CSPP1: variants seen among roughly 807,000 people sequenced by gnomAD.
CSPP1 encodes centrosome and spindle pole-associated protein 1.
Under a neutral mutation model 164.4 loss-of-function variants are expected in CSPP1, and 126 were observed. That is an observed-to-expected ratio of 0.77 (90% CI 0.66 to 0.89). The LOEUF is 0.89. CSPP1 is among the 40% of genes least tolerant of loss of function. The pLI is 0.00. For synonymous variants in CSPP1, 472 were observed against 476.7 expected (o/e 0.99, Z 0.13); for missense variants, 1,395 against 1,449.8 (o/e 0.96, Z 0.61).
intron 13 of CSPP1, among the ~76,000 whole-genome samples, chr8:67,117,715 C>G (rs1818211811): frequency 2.0e-5 from 3 of 152,156 alleles, no homozygotes; most frequent in African/African-American, 7.2e-5. Context: ...TGTCCTTCCT[C>G]TAACACACAC....
intron 14 of CSPP1, 38 bp from the exon 15 acceptor site, chr8:67,118,705 T>G: frequency 7.3e-7 from 1 of 1,378,398 alleles, no homozygotes. Context: ...ATGATTATTC[T>G]AAATAAACTT....
chr8:67,187,652 C>A (rs1171872137), intron 28 of CSPP1, among the ~76,000 whole-genome samples: 1 of 152,008 alleles, frequency 6.6e-6, no homozygotes, highest in East Asian at 1.9e-4. Flanking sequence ...CCACTAAACT[C>A]CAGCCTGGGC....
rs1042868535 is a variant in CSPP1, at chr8:67,192,726, T to C, written c.3331-738T>C. On this transcript the variant is annotated intron_variant, in intron 29 of 30. Coordinates refer to ENST00000678616, the MANE Select transcript of CSPP1 (RefSeq NM_001382391.1). ...AGGGGTCCAAGTCCATTCTTTTGCA[T>C]GTGGCCATCCAGTTGTTCTAGCAGC... Among the ~76,000 whole-genome samples the C allele has an allele frequency of 1.6e-4, 25 of 152,362 alleles. 1 individual carries two copies. The highest frequency in any genetic ancestry group is 1.4e-3 in the Admixed American group (21 of 15,300).
At chr8:67,145,818 C>T (rs1203114999) in intron 17 of CSPP1, among the ~76,000 whole-genome samples, 1 of 152,056 alleles carries the variant, frequency 6.6e-6, no homozygotes, top group Non-Finnish European at 1.5e-5. Flanking sequence ...CCACCGTGCC[C>T]AGCCCCCTTT....
At chr8:67,083,548 AATATATATAT>A (rs55758408) in intron 3 of CSPP1, 2 of 91,502 alleles carry the variant, frequency 2.2e-5, no homozygotes, top group African/African-American at 8.9e-5. Flanking sequence ...AAAAAAAAAA[AATATATATAT>A]ATATATATAT....
intron 15 of CSPP1, 49 bp downstream of exon 15, chr8:67,118,870 A>G: frequency 8.0e-7 from 1 of 1,256,886 alleles, no homozygotes; most frequent in Non-Finnish European, 1.2e-6. Context: ...TTATTTTGTT[A>G]AGATACACAT....
chr8:67,149,963 T>G, intron 18 of CSPP1, 28 bp downstream of exon 18: 1 of 1,523,764 alleles, frequency 6.6e-7, no homozygotes, highest in Non-Finnish European at 8.8e-7. Flanking sequence ...TTTTTTTTTT[T>G]TTTTTTTTAC....
chr8:67,067,876 G>C (rs1425471575), intron 1 of CSPP1, among the ~76,000 whole-genome samples: 1 of 146,774 alleles, frequency 6.8e-6, no homozygotes, highest in Non-Finnish European at 1.5e-5. Flanking sequence ...TTTTGACAGA[G>C]TATTGCTCTG....
chr8:67,098,229 A>G (rs1813243135), intron 7 of CSPP1, among the ~76,000 whole-genome samples: 1 of 151,226 alleles, frequency 6.6e-6, no homozygotes. Flanking sequence ...ACAAAAAATA[A>G]TTATAATGTA....
intron 28 of CSPP1, among the ~76,000 whole-genome samples, chr8:67,189,818 T>G (rs777868830): frequency 6.6e-6 from 1 of 152,224 alleles, no homozygotes; most frequent in African/African-American, 2.4e-5. Context: ...TAAGTATTTG[T>G]ATTATTCTAA....
At chr8:67,128,879 T>TC (rs539721679) in intron 15 of CSPP1, among the ~76,000 whole-genome samples, 17 of 152,290 alleles carry the variant, frequency 1.1e-4, no homozygotes, top group African/African-American at 3.6e-4. Flanking sequence ...CTTTTACCAT[T>TC]CATTAGCTTG....
chr8:67,127,033 C>T (rs1435328858), intron 15 of CSPP1, among the ~76,000 whole-genome samples: 2 of 151,814 alleles, frequency 1.3e-5, no homozygotes, highest in African/African-American at 4.8e-5. Flanking sequence ...TACTGGTTTT[C>T]ACAGCAACTG....
At chr8:67,106,134 T>A (rs568445786) in intron 9 of CSPP1, among the ~76,000 whole-genome samples, 159 bp downstream of exon 9, 1 of 152,308 alleles carries the variant, frequency 6.6e-6, no homozygotes, top group South Asian at 2.1e-4. Flanking sequence ...TCATTTAACA[T>A]ATATAGCTCT....
intron 15 of CSPP1, among the ~76,000 whole-genome samples, chr8:67,130,280 G>A (rs1312245271): frequency 1.3e-5 from 2 of 152,102 alleles, no homozygotes; most frequent in Non-Finnish European, 2.9e-5. Context: ...CCCTTTTTGG[G>A]GGAGTCAGGG....
chr8:67,121,095 T>A (rs779570251), intron 15 of CSPP1, among the ~76,000 whole-genome samples: 1 of 152,080 alleles, frequency 6.6e-6, no homozygotes, highest in Non-Finnish European at 1.5e-5. Context: ...CCTTGTGATC[T>A]GCCTGCCTCA....
chr8:67,176,831 G>C (rs1452975166), intron 26 of CSPP1, among the ~76,000 whole-genome samples: 1 of 152,054 alleles, frequency 6.6e-6, no homozygotes, highest in Admixed American at 6.6e-5. Context: ...CAGCGCTTTG[G>C]GAGGCTGAAG....
At position 67,118,274 on chromosome 8, in the gene CSPP1, T is replaced by A; in HGVS notation, c.1523T>A (p.Leu508Gln). The A allele has an allele frequency of 1.2e-6, 2 of 1,613,656 alleles. No individual in the cohort carries two copies. Among genetic ancestry groups the A allele is most frequent in the African/African-American group, 2.7e-5 (2 of 75,036 alleles). ...ATTGCACCTCTGCCTCCACCTCCCCTACTACCACCTTTGGCTACTAACTAT... is the reference window on the plus strand; with the variant it reads ...ATTGCACCTCTGCCTCCACCTCCCCAACTACCACCTTTGGCTACTAACTAT... ...PRIAPLPPPP[L>Q]LPPLATNYRT... The change falls in exon 14 of 31, where the codon CTA becomes CAA. Residue 508 changes from leucine to glutamine, a missense_variant. Leu to Gln is a moderately radical substitution (Grantham distance 113). Coordinates refer to ENST00000678616, the MANE Select transcript of CSPP1 (RefSeq NM_001382391.1).
chr8:67,064,389 GA>G (rs771417578), upstream of CSPP1: 2 of 1,612,776 alleles, frequency 1.2e-6, no homozygotes, highest in Non-Finnish European at 1.7e-6. Flanking sequence ...CCCCGGCCCG[GA>G]GGTCTGTCAT....
At chr8:67,179,831 T>C (rs1563767707) in intron 27 of CSPP1, 32 bp from the exon 28 acceptor site, 1 of 1,478,238 alleles carries the variant, frequency 6.8e-7, no homozygotes. Context: ...ACAAAACTAA[T>C]AAAAATAGTC....
Sources: allele counts gnomAD v4.1 joint callset (sites outside exome capture counted in the v4.1 genomes callset), GRCh38; gene constraint gnomAD v4.1.1; transcripts MANE v1.5; gene names NCBI Gene and HGNC (gene_info 2026-07-23, HGNC 2026-07-21).